The following SH3BGR variants were observed in gnomAD, a reference collection of about 807,000 sequenced individuals.
SH3BGR encodes SH3 domain-binding glutamic acid-rich protein.
In SH3BGR, 29 loss-of-function variants were observed where a neutral mutation model predicts 24.5. The observed-to-expected ratio is 1.18, with a 90% CI of 0.88 to 1.61. The LOEUF is 1.61. Among genes scored for constraint, SH3BGR ranks in the 40% most tolerant of loss-of-function variants. The pLI, the probability that SH3BGR is intolerant of heterozygous loss-of-function variation, is 0.00. For missense variants in SH3BGR, 162 were observed against 205.8 expected (o/e 0.79, Z 1.30); for synonymous variants, 55 against 65.7 (o/e 0.84, Z 0.79).
intron 4 of SH3BGR, among the ~76,000 whole-genome samples, chr21:39,508,677 A>G (rs1048721450): frequency 3.3e-5 from 5 of 152,266 alleles, no homozygotes; most frequent in Non-Finnish European, 4.4e-5. Flanking sequence ...GCTAGATAGC[A>G]CTATCAATCT....
intron 2 of SH3BGR, among the ~76,000 whole-genome samples, chr21:39,467,624 T>A (rs750604320): frequency 1.2e-4 from 19 of 152,194 alleles, no homozygotes; most frequent in Non-Finnish European, 2.4e-4. Flanking sequence ...ATAATGTTAG[T>A]CTAGATAGTC....
At chr21:39,467,358 GAAAT>G (rs1307051948) in intron 2 of SH3BGR, among the ~76,000 whole-genome samples, 1 of 151,974 alleles carries the variant, frequency 6.6e-6, no homozygotes, top group Non-Finnish European at 1.5e-5. Context: ...TGGATCTAAT[GAAAT>G]AAATATACAA....
intron 3 of SH3BGR, among the ~76,000 whole-genome samples, chr21:39,489,683 G>T (rs1297568296): frequency 6.6e-6 from 1 of 152,176 alleles, no homozygotes; most frequent in Non-Finnish European, 1.5e-5. Context: ...AAATCTCTGG[G>T]GAGCTGTTAA....
At chr21:39,461,767 A>C (rs766947410) in intron 1 of SH3BGR, among the ~76,000 whole-genome samples, 2 of 152,170 alleles carry the variant, frequency 1.3e-5, no homozygotes, top group Non-Finnish European at 2.9e-5. Context: ...GTTGCAGTTC[A>C]TTACCTAGGA....
chr21:39,500,021 C>T (rs1602159725), intron 4 of SH3BGR, 106 bp downstream of exon 4: 1 of 798,628 alleles, frequency 1.3e-6, no homozygotes, highest in East Asian at 2.5e-5. Context: ...AGAAAGAGGG[C>T]AAGGAGCTGA....
intron 3 of SH3BGR, among the ~76,000 whole-genome samples, chr21:39,478,775 T>C (rs188216486): frequency 2.0e-4 from 30 of 152,210 alleles, no homozygotes; most frequent in Admixed American, 1.3e-4. Flanking sequence ...TTATCTTCCC[T>C]CTATTGGTAG....
At chr21:39,474,369 C>T (rs1236985282) in intron 2 of SH3BGR, among the ~76,000 whole-genome samples, 1 of 152,164 alleles carries the variant, frequency 6.6e-6, no homozygotes, top group African/African-American at 2.4e-5. Context: ...CTTTGTGAGC[C>T]TTTTTGCAAC....
At position 39,474,745 on chromosome 21, in the gene SH3BGR, C is replaced by G. The variant is rs114533440; in HGVS notation, c.232-390C>G. On this transcript the variant is annotated intron_variant, in intron 2 of 6. Transcript: ENST00000333634. ...AGAGATACTTTAATCACAGTATGGA[C>G]AGCCTGTATCATCTCAGTCTCAGCT... is the stretch of plus-strand genomic sequence containing the variant. 6.1e-3 allele frequency among the ~76,000 whole-genome samples: 924 copies of G among 152,232 alleles called. 6 individuals carry two copies. The highest frequency in any genetic ancestry group is 0.021 in the African/African-American group (886 of 41,536).
Position 39,510,437 on chromosome 21 carries a change from C to CACACACACACACACACACACTGTAGCT in SH3BGR, c.436-1225_436-1224insACTGTAGCTACACACACACACACACAC, listed in dbSNP as rs1569178118. ...CACACACACACTGTAGCTACACACA[C>CACACACACACACACACACACTGTAGCT]ACACACACACACACACACTGTAGCT... On this transcript the variant is annotated intron_variant, in intron 5 of 6. Transcript: ENST00000333634. 2.6e-3 allele frequency among the ~76,000 whole-genome samples: 272 copies of CACACACACACACACACACACTGTAGCT among 102,754 alleles called. 1 individual carries two copies. The highest frequency in any genetic ancestry group is 0.012 in the African/African-American group (262 of 21,764). The allele number at this position is 102,754 out of a possible 152,430, so 67.4% of individuals were successfully genotyped here.
intron 3 of SH3BGR, among the ~76,000 whole-genome samples, chr21:39,481,737 T>C (rs1300324388): frequency 2.0e-5 from 3 of 152,238 alleles, no homozygotes; most frequent in Non-Finnish European, 4.4e-5. Context: ...CTATAATTCA[T>C]ACCTGGTTGT....
At chr21:39,501,238 C>T (rs1223751868) in intron 4 of SH3BGR, among the ~76,000 whole-genome samples, 1 of 152,160 alleles carries the variant, frequency 6.6e-6, no homozygotes, top group Non-Finnish European at 1.5e-5. Flanking sequence ...AAGCATTACA[C>T]CCCAGCCCCT....
At chr21:39,455,955 T>C (rs956548176) in intron 1 of SH3BGR, among the ~76,000 whole-genome samples, 4 of 152,224 alleles carry the variant, frequency 2.6e-5, no homozygotes, top group African/African-American at 9.6e-5. Context: ...AGTCCCGCAA[T>C]GGACCTGGAT....
chr21:39,481,595 C>T (rs981601779), intron 3 of SH3BGR, among the ~76,000 whole-genome samples: 6 of 152,102 alleles, frequency 3.9e-5, no homozygotes, highest in African/African-American at 7.2e-5. Context: ...AACCTATCTA[C>T]GCTTAAGTCT....
At chr21:39,483,333 A>G (rs1386395404) in intron 3 of SH3BGR, among the ~76,000 whole-genome samples, 1 of 152,228 alleles carries the variant, frequency 6.6e-6, no homozygotes, top group East Asian at 1.9e-4. Flanking sequence ...TGATCAACAT[A>G]GATATTGCCA....
chr21:39,497,901 C>G (rs1328190817), intron 3 of SH3BGR, among the ~76,000 whole-genome samples: 3 of 152,190 alleles, frequency 2.0e-5, no homozygotes, highest in African/African-American at 7.2e-5. Context: ...TTGCTGCCAC[C>G]TTTTTGAAAA....
chr21:39,475,923 AG>A (rs1193635402), intron 3 of SH3BGR, among the ~76,000 whole-genome samples: 3 of 152,130 alleles, frequency 2.0e-5, no homozygotes, highest in African/African-American at 2.4e-5. Flanking sequence ...GACCATATTG[AG>A]GGGGGAAGTT....
At chr21:39,465,504 A>G (rs1052887253) in intron 2 of SH3BGR, among the ~76,000 whole-genome samples, 2 of 152,222 alleles carry the variant, frequency 1.3e-5, no homozygotes, top group Non-Finnish European at 2.9e-5. Context: ...AATGTCATTT[A>G]AAAAATCAGA....
At chr21:39,452,314 T>G (rs931865425) in intron 1 of SH3BGR, among the ~76,000 whole-genome samples, 173 bp downstream of exon 1, 3 of 152,118 alleles carry the variant, frequency 2.0e-5, no homozygotes, top group African/African-American at 7.2e-5. Flanking sequence ...TGAAAAAGCA[T>G]GGAAAGGGTG....
intron 2 of SH3BGR, among the ~76,000 whole-genome samples, chr21:39,474,887 A>G (rs1255416399): frequency 5.6e-5 from 2 of 35,678 alleles, no homozygotes; most frequent in Admixed American, 2.8e-4. Context: ...GAGCATGGGT[A>G]GGGGTGTGTG....
Sources: gnomAD v4.1 joint callset for allele counts (sites outside exome capture counted in the v4.1 genomes callset) on GRCh38, gnomAD v4.1.1 for gene constraint, MANE v1.5 for transcripts, NCBI Gene and HGNC (gene_info 2026-07-23, HGNC 2026-07-21) for gene names.